SHISA9: variants seen among roughly 807,000 people sequenced by gnomAD.
The protein encoded by SHISA9 is shisa family member 9.
Under a neutral mutation model 38.0 loss-of-function variants are expected in SHISA9, and 13 were observed. The observed-to-expected ratio is 0.34, with a 90% confidence interval of 0.22 to 0.54. SHISA9 has a LOEUF of 0.54. SHISA9 is among the 20% of genes least tolerant of loss of function. The pLI is 0.91. For synonymous variants in SHISA9, 275 were observed against 242.0 expected (o/e 1.14, Z -1.27); for missense variants, 538 against 575.8 (o/e 0.93, Z 0.67).
intron 2 of SHISA9, among the ~76,000 whole-genome samples, chr16:12,988,327 G>T (rs902012033): frequency 1.1e-4 from 16 of 152,022 alleles, no homozygotes; most frequent in African/African-American, 3.9e-4. Context: ...ACATTCTCCC[G>T]CAGGTCGTCC....
At chr16:13,284,061 A>C in the SHISA9 span, among the ~76,000 whole-genome samples, 1 of 152,162 alleles carries the variant, frequency 6.6e-6, no homozygotes, top group Non-Finnish European at 1.5e-5. Flanking sequence ...ATTACTCATG[A>C]ATTCATTTAT....
intron 2 of SHISA9, among the ~76,000 whole-genome samples, chr16:12,977,500 T>C (rs1468496226): frequency 6.6e-6 from 1 of 152,162 alleles, no homozygotes; most frequent in Non-Finnish European, 1.5e-5. Context: ...CATTCTATCA[T>C]GAAGATATAT....
chr16:12,974,047 C>T (rs1391670153), intron 2 of SHISA9, among the ~76,000 whole-genome samples: 3 of 152,182 alleles, frequency 2.0e-5, no homozygotes, highest in Non-Finnish European at 4.4e-5. Flanking sequence ...GTCTCCAGCA[C>T]TGCCTGCCAG....
the SHISA9 span, among the ~76,000 whole-genome samples, chr16:13,491,818 CTTTTTTTTTTTTTTT>C: frequency 4.7e-4 from 21 of 44,548 alleles, no homozygotes; most frequent in African/African-American, 1.2e-3. Context: ...ATTTATTGAC[CTTTTTTTTTTTTTTT>C]TTTTTTTTTT....
intron 1 of SHISA9, chr16:12,908,399 A>C (rs530691921): frequency 4.2e-4 from 650 of 1,532,854 alleles, no homozygotes; most frequent in Non-Finnish European, 5.6e-4. Flanking sequence ...GTGTTGAAAA[A>C]TCCTTGTTGG....
the SHISA9 span, among the ~76,000 whole-genome samples, chr16:13,489,128 C>T: frequency 6.6e-6 from 1 of 152,066 alleles, no homozygotes; most frequent in African/African-American, 2.4e-5. Context: ...CTCACTACAA[C>T]CTCCACCTCC....
intron 2 of SHISA9, among the ~76,000 whole-genome samples, chr16:13,136,275 A>G (rs1279203192): frequency 6.6e-6 from 1 of 152,076 alleles, no homozygotes; most frequent in Non-Finnish European, 1.5e-5. Context: ...CTGAGGATTA[A>G]ATGAACTATT....
chr16:13,414,053 G>A, the SHISA9 span, among the ~76,000 whole-genome samples: 4 of 152,114 alleles, frequency 2.6e-5, no homozygotes, highest in East Asian at 5.8e-4. Flanking sequence ...GGTTCATCTT[G>A]TTAAGTCCTT....
intron 2 of SHISA9, among the ~76,000 whole-genome samples, chr16:13,084,971 G>T (rs2073694336): frequency 6.6e-6 from 1 of 152,166 alleles, no homozygotes; most frequent in South Asian, 2.1e-4. Flanking sequence ...GGGTTTGATT[G>T]GAGATGAGGA....
intron 2 of SHISA9, among the ~76,000 whole-genome samples, chr16:13,181,590 G>A (rs546773375): frequency 1.1e-4 from 17 of 151,980 alleles, no homozygotes; most frequent in Non-Finnish European, 1.5e-4. Flanking sequence ...AAAGTGCAGC[G>A]GGAATTAGTT....
At chr16:13,174,699 G>T in intron 2 of SHISA9, among the ~76,000 whole-genome samples, 1 of 152,148 alleles carries the variant, frequency 6.6e-6, no homozygotes, top group Non-Finnish European at 1.5e-5. Flanking sequence ...GAGGTGCAGA[G>T]GGAAGACGCT....
chr16:13,367,875 C>T, the SHISA9 span, among the ~76,000 whole-genome samples: 3 of 151,858 alleles, frequency 2.0e-5, no homozygotes, highest in African/African-American at 7.2e-5. Context: ...TAGCTGCAAT[C>T]AGCTATAATT....
At chr16:12,911,461 A>T in intron 1 of SHISA9, 1 of 821,056 alleles carries the variant, frequency 1.2e-6, no homozygotes, top group Non-Finnish European at 1.5e-6. Context: ...ACGAACAATG[A>T]TTAGGTACAT....
intron 2 of SHISA9, among the ~76,000 whole-genome samples, chr16:13,121,944 C>T (rs184772826): frequency 1.2e-3 from 183 of 151,188 alleles, no homozygotes; most frequent in Middle Eastern, 0.01. Context: ...GTTTCCTCTT[C>T]GATAAAATGA....
chr16:13,440,214 GC>G, the SHISA9 span, among the ~76,000 whole-genome samples: 13 of 152,152 alleles, frequency 8.5e-5, no homozygotes, highest in Admixed American at 8.5e-4. Context: ...ATACTTGGGG[GC>G]TCCCTTTCCT....
chr16:13,279,042 C>A, the SHISA9 span, among the ~76,000 whole-genome samples: 1 of 151,958 alleles, frequency 6.6e-6, no homozygotes, highest in Non-Finnish European at 1.5e-5. Context: ...GATGTAGGCA[C>A]TTAGGGCTAT....
At chr16:13,365,813 C>T in the SHISA9 span, among the ~76,000 whole-genome samples, 3 of 152,080 alleles carry the variant, frequency 2.0e-5, no homozygotes, top group Non-Finnish European at 4.4e-5. Context: ...ATATTCGGAA[C>T]ACCAAGTTGT....
intron 2 of SHISA9, among the ~76,000 whole-genome samples, chr16:13,157,084 C>T (rs1045981531): frequency 2.6e-5 from 4 of 152,138 alleles, no homozygotes; most frequent in South Asian, 4.1e-4. Flanking sequence ...CCAAATGGCT[C>T]TTTCCTTTCC....
intron 2 of SHISA9, among the ~76,000 whole-genome samples, chr16:13,153,927 A>T (rs1423438068): frequency 6.7e-6 from 1 of 148,490 alleles, no homozygotes; most frequent in Non-Finnish European, 1.5e-5. Flanking sequence ...TCCTGTTGCA[A>T]ATAGAGGCAA....
Sources: gnomAD v4.1 joint callset for allele counts (sites outside exome capture counted in the v4.1 genomes callset) on GRCh38, gnomAD v4.1.1 for gene constraint, MANE v1.5 for transcripts, NCBI Gene and HGNC (gene_info 2026-07-23, HGNC 2026-07-21) for gene names.